The following ZPBP variants were observed in gnomAD, a reference collection of about 807,000 sequenced individuals.
ZPBP encodes the protein zona pellucida-binding protein 1.
A neutral mutation model predicts 44.8 loss-of-function variants in ZPBP; 26 were observed. The ratio of observed to expected loss-of-function variants is 0.58; its 90% CI spans 0.43 to 0.81. ZPBP has a LOEUF of 0.81. Among genes scored for constraint, ZPBP ranks in the 30% least tolerant of loss-of-function variants. The probability of loss-of-function intolerance (pLI) is 0.00; values close to 1 mark genes in which losing one functional copy is unlikely to be tolerated. For missense variants in ZPBP, 409 were observed against 434.0 expected, an observed-to-expected ratio of 0.94 and a Z score of 0.51; for synonymous variants, 174 against 153.2, an observed-to-expected ratio of 1.14 and a Z score of -1.00.
intron 3 of ZPBP, among the ~76,000 whole-genome samples, chr7:50,062,213 T>C (rs1456724195): frequency 6.6e-6 from 1 of 152,080 alleles, no homozygotes; most frequent in Non-Finnish European, 1.5e-5. Flanking sequence ...TGCTCATGGG[T>C]AGAAAGAATC....
intron 6 of ZPBP, among the ~76,000 whole-genome samples, chr7:49,993,473 G>A (rs772673625): frequency 1.3e-5 from 2 of 152,048 alleles, no homozygotes; most frequent in African/African-American, 2.4e-5. Context: ...AAAATGAACC[G>A]ATTGGCAACT....
At chr7:50,055,053 CA>C (rs1800866671) in intron 4 of ZPBP, among the ~76,000 whole-genome samples, 2 of 152,126 alleles carry the variant, frequency 1.3e-5, no homozygotes, top group Non-Finnish European at 2.9e-5. Context: ...ACAAAAGAAT[CA>C]ATCAAAATAG....
chr7:49,947,718 G>A (rs369775575), intron 7 of ZPBP, among the ~76,000 whole-genome samples: 33 of 152,254 alleles, frequency 2.2e-4, no homozygotes, highest in African/African-American at 5.8e-4. Context: ...CCTAACTACC[G>A]CTTATGTTCA....
At position 49,937,592 on chromosome 7, in the gene ZPBP, C is replaced by T. The variant is rs371753916; in HGVS notation, c.992G>A (p.Arg331His). Reference sequence around the variant, plus strand: ...GCATTGAAGGCAATGAATTCCATCACGGGGGTTATATGATCCAGGGCTGCA... The same window carrying T: ...GCATTGAAGGCAATGAATTCCATCATGGGGGTTATATGATCCAGGGCTGCA... ...VICSPGSYNP[R>H]DGIHCLQCNS... The change falls in exon 8 of 8, where the codon CGT becomes CAT. Residue 331 changes from arginine to histidine, a missense_variant. Coordinates refer to ENST00000046087, the MANE Select transcript of ZPBP (RefSeq NM_007009.3). The T allele has an allele frequency of 2.4e-5, 39 of 1,613,592 alleles. No homozygotes were observed. Among genetic ancestry groups the T allele is most frequent in the Admixed American group, 1.2e-4 (7 of 59,980 alleles).
chr7:49,925,845 A>T (rs1794218018), intron 1 of ZPBP, among the ~76,000 whole-genome samples: 1 of 152,142 alleles, frequency 6.6e-6, no homozygotes, highest in Non-Finnish European at 1.5e-5. Flanking sequence ...GTCACTATCA[A>T]ATTTTGGCTT....
chr7:49,912,086 G>C (rs1327319177), intron 1 of ZPBP: 1 of 1,614,110 alleles, frequency 6.2e-7, no homozygotes, highest in African/African-American at 1.3e-5. Flanking sequence ...GAGAAGTGAA[G>C]ACTGACGAGT....
intron 2 of ZPBP, among the ~76,000 whole-genome samples, chr7:49,868,159 A>G (rs1215552483): frequency 6.6e-6 from 1 of 152,134 alleles, no homozygotes; most frequent in Non-Finnish European, 1.5e-5. Context: ...ATAAGTGAGG[A>G]AAACCCAAGT....
At chr7:49,917,190 G>A (rs1455168175) in intron 1 of ZPBP, 1 of 152,116 alleles carries the variant, frequency 6.6e-6, no homozygotes, top group Non-Finnish European at 1.5e-5. Context: ...CAGAAATATA[G>A]TAGCTTCCAT....
chr7:49,896,172 C>G (rs1426353683), intron 2 of ZPBP, among the ~76,000 whole-genome samples: 1 of 152,142 alleles, frequency 6.6e-6, no homozygotes, highest in African/African-American at 2.4e-5. Context: ...AAAACCCTGT[C>G]TCTGCTAAAA....
At chr7:49,911,073 T>C (rs1304731652) in intron 1 of ZPBP, among the ~76,000 whole-genome samples, 1 of 152,342 alleles carries the variant, frequency 6.6e-6, no homozygotes, top group East Asian at 1.9e-4. Context: ...GACTGGTTCT[T>C]TGAAGGTCTT....
At chr7:49,955,321 G>A (rs1562798775) in intron 7 of ZPBP, among the ~76,000 whole-genome samples, 1 of 152,118 alleles carries the variant, frequency 6.6e-6, no homozygotes, top group Non-Finnish European at 1.5e-5. Context: ...CCCTTTGAGA[G>A]GCCAAAGTGG....
At chr7:49,908,523 ATAAT>A (rs918390583) in intron 1 of ZPBP, among the ~76,000 whole-genome samples, 34 of 152,210 alleles carry the variant, frequency 2.2e-4, no homozygotes, top group Admixed American at 1.5e-3. Context: ...TTTTTGAATT[ATAAT>A]TAATATTATG....
chr7:49,877,483 T>A (rs2661875), intron 2 of ZPBP, among the ~76,000 whole-genome samples: 2,136 of 10,202 alleles, frequency 0.21, 576 homozygotes, highest in East Asian at 0.42. Context: ...AAAAAAAAAA[T>A]ATATATATAT....
At chr7:49,902,436 T>G (rs1388383120) in intron 1 of ZPBP, among the ~76,000 whole-genome samples, 1 of 151,656 alleles carries the variant, frequency 6.6e-6, no homozygotes, top group Non-Finnish European at 1.5e-5. Flanking sequence ...CCCACAACAG[T>G]ACAGCAAATT....
intron 3 of ZPBP, among the ~76,000 whole-genome samples, chr7:50,069,046 G>A (rs34810093): frequency 0.41 from 62,768 of 152,034 alleles, 13,652 homozygotes; most frequent in East Asian, 0.73. Flanking sequence ...AGAGGCATAA[G>A]CATAACTTGG....
At chr7:49,912,206 TCTGA>T in intron 1 of ZPBP, 1 of 1,612,486 alleles carries the variant, frequency 6.2e-7, no homozygotes, top group Non-Finnish European at 8.5e-7. Flanking sequence ...GAACACAAAC[TCTGA>T]CTTTTTCTAG....
At chr7:49,988,183 G>A (rs901664759) in intron 6 of ZPBP, among the ~76,000 whole-genome samples, 4 of 151,966 alleles carry the variant, frequency 2.6e-5, no homozygotes, top group Non-Finnish European at 5.9e-5. Context: ...GGTTATACAA[G>A]GTTTTTGCTT....
chr7:50,053,517 A>T (rs1274750208), intron 4 of ZPBP, among the ~76,000 whole-genome samples: 1 of 152,196 alleles, frequency 6.6e-6, no homozygotes, highest in Non-Finnish European at 1.5e-5. Context: ...GAAAATGGTT[A>T]CATTATTTCC....
chr7:50,020,719 C>T (rs968837999), intron 5 of ZPBP, among the ~76,000 whole-genome samples: 1 of 151,912 alleles, frequency 6.6e-6, no homozygotes, highest in Non-Finnish European at 1.5e-5. Context: ...AACTGCTGGC[C>T]ACCTTTTTCC....
Sources: gnomAD v4.1 joint callset for allele counts (sites outside exome capture counted in the v4.1 genomes callset) on GRCh38, gnomAD v4.1.1 for gene constraint, MANE v1.5 for transcripts, NCBI Gene and HGNC (gene_info 2026-07-23, HGNC 2026-07-21) for gene names.